The following ARFGEF3 variants were observed in gnomAD, a reference collection of about 807,000 sequenced individuals.
The protein encoded by ARFGEF3 is ARFGEF family member 3, also known as brefeldin A-inhibited guanine nucleotide-exchange protein 3.
ARFGEF3 carries 96 observed loss-of-function variants against 221.7 expected under a neutral mutation model. The ratio of observed to expected loss-of-function variants is 0.43; its 90% CI spans 0.37 to 0.51. The LOEUF (loss-of-function observed/expected upper bound fraction) is 0.51, where lower values mean the gene tolerates loss of function less well. Among genes scored for constraint, ARFGEF3 ranks in the 20% least tolerant of loss-of-function variants. The probability of loss-of-function intolerance (pLI) is 0.00; values close to 1 mark genes in which losing one functional copy is unlikely to be tolerated. For missense variants in ARFGEF3, 2,410 were observed against 2,789.9 expected, an observed-to-expected ratio of 0.86 and a Z score of 3.07; for synonymous variants, 1,145 against 1,126.8, an observed-to-expected ratio of 1.02 and a Z score of -0.32.
At position 138,343,565 on chromosome 6, in the gene ARFGEF3, A is replaced by G. The variant is rs1415674263; in HGVS notation, c.*7079A>G. ...TTTTAAAATTAAATTTCAAAAGTCAATCTCTAAGAGTAATTTATTTTTGTT... is the reference window on the plus strand; with the variant it reads ...TTTTAAAATTAAATTTCAAAAGTCAGTCTCTAAGAGTAATTTATTTTTGTT... On this transcript the variant is annotated 3_prime_UTR_variant, in exon 34 of 34. Coordinates refer to ENST00000251691, the MANE Select transcript of ARFGEF3 (RefSeq NM_020340.5). 8 of 152,302 alleles carry G rather than the reference A, an allele frequency of 5.3e-5. No homozygotes were observed. The highest frequency in any genetic ancestry group is 9.6e-5 in the African/African-American group (4 of 41,568). 9.4% of individuals were successfully genotyped at this position (152,302 alleles called of 1,614,324 possible).
At chr6:138,254,086 G>A (rs1778629694) in intron 9 of ARFGEF3, 102 bp downstream of exon 9, 1 of 698,492 alleles carries the variant, frequency 1.4e-6, no homozygotes, top group Non-Finnish European at 2.3e-6. Flanking sequence ...CCCACCAGTA[G>A]TAGTTTCATC....
At chr6:138,184,291 A>C (rs1777138744) in intron 2 of ARFGEF3, among the ~76,000 whole-genome samples, 1 of 152,164 alleles carries the variant, frequency 6.6e-6, no homozygotes, top group Non-Finnish European at 1.5e-5. Flanking sequence ...TATTCCCCCA[A>C]ACAATGTAGT....
intron 14 of ARFGEF3, among the ~76,000 whole-genome samples, chr6:138,285,547 A>T (rs931358915): frequency 9.2e-5 from 14 of 152,206 alleles, no homozygotes; most frequent in African/African-American, 3.1e-4. Flanking sequence ...TTCTCCTCTT[A>T]ATTCATGTAA....
intron 6 of ARFGEF3, among the ~76,000 whole-genome samples, chr6:138,239,681 C>T (rs1033871577): frequency 6.7e-5 from 10 of 149,924 alleles, no homozygotes; most frequent in Non-Finnish European, 8.9e-5. Flanking sequence ...GAAAGAAAAT[C>T]TCAGTTACAG....
At chr6:138,248,799 T>C (rs1778531355) in intron 8 of ARFGEF3, among the ~76,000 whole-genome samples, 2 of 152,094 alleles carry the variant, frequency 1.3e-5, no homozygotes, top group Non-Finnish European at 2.9e-5. Flanking sequence ...CACTCCAGCC[T>C]AGGCAACAAG....
chr6:138,285,888 G>A lies in ARFGEF3; in HGVS notation c.2462-58G>A, dbSNP rs982918485. On this transcript the variant is annotated intron_variant, in intron 14 of 33. Transcript: ENST00000251691. Reference sequence around the variant, plus strand: ...AAAATGAATATTGTGGTGGCCATTTGCTTGTTTTTGACTGGAGTGTTTTAT... The same window carrying A: ...AAAATGAATATTGTGGTGGCCATTTACTTGTTTTTGACTGGAGTGTTTTAT... 5 of 995,554 alleles carry A rather than the reference G, an allele frequency of 5.0e-6. No homozygotes were observed. In the African/African-American group the frequency reaches 7.9e-5, roughly 16 times the overall value. The allele number at this position is 995,554 out of a possible 1,614,324, so 61.7% of individuals were successfully genotyped here. A position where few individuals can be genotyped will look rare whatever the true frequency, so the allele number is the denominator to read the frequency against.
At position 138,323,730 on chromosome 6, in the gene ARFGEF3, G is replaced by C. The variant is rs749086904; in HGVS notation, c.4826G>C (p.Cys1609Ser). ...GAGGAGATGTGGAGGCTTGCCTGCTGTGCCCTGCAAGATGCGTTCTCTGCC... is the reference window on the plus strand; with the variant it reads ...GAGGAGATGTGGAGGCTTGCCTGCTCTGCCCTGCAAGATGCGTTCTCTGCC... Reference protein sequence around the residue: ...FTEEMWRLACCALQDAFSATL... With the variant: ...FTEEMWRLACSALQDAFSATL... Residue 1609 changes from cysteine to serine, a missense_variant, in exon 30 of 34, where the codon TGT becomes TCT. Coordinates refer to ENST00000251691, the MANE Select transcript of ARFGEF3 (RefSeq NM_020340.5). 3.7e-6 allele frequency: 6 copies of C among 1,613,992 alleles called. No individual in the cohort carries two copies. Among genetic ancestry groups the C allele is most frequent in the Non-Finnish European group, 5.1e-6 (6 of 1,179,866 alleles).
intron 19 of ARFGEF3, among the ~76,000 whole-genome samples, chr6:138,293,569 C>A (rs1254110291): frequency 6.6e-6 from 1 of 152,176 alleles, no homozygotes; most frequent in Admixed American, 6.5e-5. Context: ...TCTTTTCCAG[C>A]ATTATACTCA....
At chr6:138,191,253 C>T (rs140835818) in intron 2 of ARFGEF3, among the ~76,000 whole-genome samples, 18 of 152,258 alleles carry the variant, frequency 1.2e-4, no homozygotes, top group Non-Finnish European at 2.2e-4. Context: ...GGACAAGTTA[C>T]TTACCATCTC....
intron 12 of ARFGEF3, among the ~76,000 whole-genome samples, chr6:138,266,021 GC>G (rs1197518065): frequency 6.6e-6 from 1 of 151,990 alleles, no homozygotes; most frequent in African/African-American, 2.4e-5. Context: ...TTTGAGACCA[GC>G]CTAGGCAACA....
At chr6:138,289,610 G>A (rs1331098764) in intron 17 of ARFGEF3, among the ~76,000 whole-genome samples, 1 of 152,180 alleles carries the variant, frequency 6.6e-6, no homozygotes, top group Non-Finnish European at 1.5e-5. Flanking sequence ...TCCCACTTCT[G>A]GAGCTGGAGA....
intron 12 of ARFGEF3, among the ~76,000 whole-genome samples, chr6:138,269,901 C>T (rs1006473526): frequency 6.6e-5 from 10 of 152,166 alleles, no homozygotes; most frequent in South Asian, 2.1e-4. Flanking sequence ...ATCTCCAGAG[C>T]TCCATGATGA....
At chr6:138,167,096 G>A (rs1298086035) in intron 1 of ARFGEF3, among the ~76,000 whole-genome samples, 1 of 152,154 alleles carries the variant, frequency 6.6e-6, no homozygotes, top group Non-Finnish European at 1.5e-5. Flanking sequence ...GGTCCTCCTG[G>A]TGACACTGGA....
chr6:138,276,340 C>T (rs550273989), intron 12 of ARFGEF3, among the ~76,000 whole-genome samples: 1 of 152,204 alleles, frequency 6.6e-6, no homozygotes, highest in Non-Finnish European at 1.5e-5. Flanking sequence ...AATGTTTTCA[C>T]CCCAAGCTCC....
chr6:138,295,639 A>G (rs1779498077), intron 20 of ARFGEF3, among the ~76,000 whole-genome samples: 1 of 151,248 alleles, frequency 6.6e-6, no homozygotes, highest in African/African-American at 2.4e-5. Context: ...AAAAAAAAAA[A>G]AGAAAGAAAG....
At chr6:138,326,078 A>G (rs1162222894) in intron 31 of ARFGEF3, among the ~76,000 whole-genome samples, 1 of 151,992 alleles carries the variant, frequency 6.6e-6, no homozygotes, top group Non-Finnish European at 1.5e-5. Flanking sequence ...GCTGGTCTCA[A>G]ACTCCAGACC....
At chr6:138,205,753 T>A (rs1404253218) in intron 2 of ARFGEF3, among the ~76,000 whole-genome samples, 1 of 152,216 alleles carries the variant, frequency 6.6e-6, no homozygotes, top group South Asian at 2.1e-4. Context: ...TAAAAATGGA[T>A]ACTGTAACAT....
intron 14 of ARFGEF3, among the ~76,000 whole-genome samples, chr6:138,283,022 G>A (rs556909429): frequency 6.6e-6 from 1 of 152,130 alleles, no homozygotes; most frequent in East Asian, 1.9e-4. Flanking sequence ...CTGCACTTCA[G>A]CCTGAGCAAC....
intron 22 of ARFGEF3, among the ~76,000 whole-genome samples, chr6:138,303,793 C>T (rs1463143299): frequency 7.6e-6 from 1 of 130,938 alleles, no homozygotes; most frequent in African/African-American, 2.9e-5. Context: ...ATCTGGGAGG[C>T]AGAGGTTGCA....
Sources: allele counts gnomAD v4.1 joint callset (sites outside exome capture counted in the v4.1 genomes callset), GRCh38; gene constraint gnomAD v4.1.1; transcripts MANE v1.5; gene names NCBI Gene and HGNC (gene_info 2026-07-23, HGNC 2026-07-21).